ABTB3: variants seen among roughly 807,000 people sequenced by gnomAD.
ABTB3 encodes ankyrin repeat and BTB domain containing 3, also known as ankyrin repeat- and BTB/POZ domain-containing protein 3.
chr12:107,626,333 C>G, the ABTB3 span, among the ~76,000 whole-genome samples: 5 of 139,788 alleles, frequency 3.6e-5, no homozygotes, highest in Admixed American at 7.6e-5. Context: ...CTGCTGGGTA[C>G]TATCGTCATC....
At chr12:107,630,293 T>A in the ABTB3 span, among the ~76,000 whole-genome samples, 1 of 152,114 alleles carries the variant, frequency 6.6e-6, no homozygotes, top group African/African-American at 2.4e-5. Context: ...GGAGAATGAA[T>A]GAATGAATGA....
At chr12:107,394,083 C>T in the ABTB3 span, among the ~76,000 whole-genome samples, 42,468 of 152,160 alleles carry the variant, frequency 0.28, 6,136 homozygotes, top group Admixed American at 0.35. Context: ...TCCATCAAAC[C>T]CTTCTGCAAA....
the ABTB3 span, among the ~76,000 whole-genome samples, chr12:107,356,985 C>A: frequency 6.6e-6 from 1 of 152,230 alleles, no homozygotes; most frequent in African/African-American, 2.4e-5. Flanking sequence ...CAGCTCAACA[C>A]CTACTGATTG....
At chr12:107,602,925 C>T in the ABTB3 span, among the ~76,000 whole-genome samples, 2 of 152,162 alleles carry the variant, frequency 1.3e-5, no homozygotes, top group African/African-American at 4.8e-5. Flanking sequence ...GCCTATCTCT[C>T]GGGGCTGGGG....
At chr12:107,382,616 C>T in the ABTB3 span, among the ~76,000 whole-genome samples, 81 of 152,208 alleles carry the variant, frequency 5.3e-4, 2 homozygotes, top group Admixed American at 3.5e-3. Context: ...TGCAGGGACA[C>T]GGATGAAGCT....
the ABTB3 span, among the ~76,000 whole-genome samples, chr12:107,553,287 TTA>T: frequency 2.0e-5 from 3 of 152,276 alleles, no homozygotes; most frequent in South Asian, 6.2e-4. Context: ...TCTAAATACT[TTA>T]TGTGTATTAA....
the ABTB3 span, chr12:107,619,933 C>T: frequency 1.2e-5 from 18 of 1,479,778 alleles, no homozygotes; most frequent in Non-Finnish European, 1.5e-5. Flanking sequence ...TCCACCTTTC[C>T]CCTCTCTCTC....
the ABTB3 span, chr12:107,612,686 C>T: frequency 1.0e-4 from 126 of 1,248,260 alleles, no homozygotes; most frequent in Non-Finnish European, 1.4e-4. Flanking sequence ...AGCATGGCCT[C>T]CGAAACACAA....
the ABTB3 span, among the ~76,000 whole-genome samples, chr12:107,359,597 A>G: frequency 5.9e-5 from 9 of 152,158 alleles, no homozygotes; most frequent in South Asian, 6.3e-4. Context: ...AGGCAGCCCG[A>G]GTGTTATTTA....
the ABTB3 span, among the ~76,000 whole-genome samples, chr12:107,520,854 T>C: frequency 1.3e-4 from 20 of 152,340 alleles, no homozygotes; most frequent in African/African-American, 4.8e-4. Flanking sequence ...CCGCCATAAA[T>C]GCAGGTCAGG....
the ABTB3 span, among the ~76,000 whole-genome samples, chr12:107,425,116 C>G: frequency 1.3e-5 from 2 of 152,196 alleles, no homozygotes; most frequent in Non-Finnish European, 2.9e-5. Flanking sequence ...AGACCAGGCC[C>G]TGTCTGCCTT....
chr12:107,566,040 C>T, the ABTB3 span, among the ~76,000 whole-genome samples: 1 of 152,294 alleles, frequency 6.6e-6, no homozygotes, highest in East Asian at 1.9e-4. Context: ...AAATCGGTAA[C>T]ATCTAGACTG....
chr12:107,454,751 A>C, the ABTB3 span, among the ~76,000 whole-genome samples: 1 of 152,032 alleles, frequency 6.6e-6, no homozygotes, highest in Non-Finnish European at 1.5e-5. Context: ...ATGCTGGGGG[A>C]GCTGCATGGT....
chr12:107,423,433 A>C, the ABTB3 span, among the ~76,000 whole-genome samples: 1 of 152,188 alleles, frequency 6.6e-6, no homozygotes, highest in African/African-American at 2.4e-5. Context: ...ATGTTCTCTA[A>C]CCACCTGAAG....
the ABTB3 span, among the ~76,000 whole-genome samples, chr12:107,392,515 C>T: frequency 3.3e-5 from 5 of 152,124 alleles, no homozygotes; most frequent in African/African-American, 7.2e-5. Context: ...GGGCCCAGAT[C>T]GTTCTCATTC....
the ABTB3 span, among the ~76,000 whole-genome samples, chr12:107,409,638 T>A: frequency 1.3e-5 from 2 of 152,056 alleles, no homozygotes; most frequent in Admixed American, 6.6e-5. Flanking sequence ...CACTTATAAG[T>A]GGGAGCTGAA....
At chr12:107,476,725 G>A in the ABTB3 span, among the ~76,000 whole-genome samples, 1 of 151,732 alleles carries the variant, frequency 6.6e-6, no homozygotes, top group African/African-American at 2.4e-5. Context: ...CAGGATTGCA[G>A]GCAAGTGTCT....
At chr12:107,634,707 G>A in the ABTB3 span, 1 of 152,204 alleles carries the variant, frequency 6.6e-6, no homozygotes, top group Non-Finnish European at 1.5e-5. Context: ...AAGGGCAGCT[G>A]TAGTTTTGGG....
At chr12:107,382,841 A>G in the ABTB3 span, among the ~76,000 whole-genome samples, 1 of 152,248 alleles carries the variant, frequency 6.6e-6, no homozygotes, top group East Asian at 1.9e-4. Context: ...ACAAACCACC[A>G]TGGCATGTGT....
Sources: gnomAD v4.1 joint callset for allele counts (sites outside exome capture counted in the v4.1 genomes callset) on GRCh38, gnomAD v4.1.1 for gene constraint, MANE v1.5 for transcripts, NCBI Gene and HGNC (gene_info 2026-07-23, HGNC 2026-07-21) for gene names.